The following NDUFA11 variants were observed in gnomAD, a reference collection of about 807,000 sequenced individuals.
The protein encoded by NDUFA11 is NADH dehydrogenase [ubiquinone] 1 alpha subcomplex subunit 11.
Under a neutral mutation model 11.3 loss-of-function variants are expected in NDUFA11, and 14 were observed. The observed-to-expected ratio is 1.24, with a 90% confidence interval of 0.82 to 1.94. The LOEUF (loss-of-function observed/expected upper bound fraction) is 1.94. Ranked by LOEUF, NDUFA11 falls within the 30% of genes most tolerant of loss-of-function variation. The probability of loss-of-function intolerance (pLI) is 0.00; values close to 1 mark genes in which losing one functional copy is unlikely to be tolerated. For missense variants in NDUFA11, 204 were observed against 200.3 expected, an observed-to-expected ratio of 1.02 and a Z score of -0.11; for synonymous variants, 87 against 85.6, an observed-to-expected ratio of 1.02 and a Z score of -0.09.
At chr19:5,901,600 TAC>T (rs1343834597) in intron 1 of NDUFA11, 7 of 447,154 alleles carry the variant, frequency 1.6e-5, no homozygotes, top group Non-Finnish European at 2.7e-5. Context: ...ATGCTGGAAA[TAC>T]AGAGTTGACC....
chr19:5,894,681 CA>C lies in NDUFA11; in HGVS notation c.*60del, dbSNP rs779588327. The C allele has an allele frequency of 2.5e-6, 4 of 1,581,766 alleles. No individual in the cohort carries two copies. The highest frequency in any genetic ancestry group is 3.4e-6 in the Non-Finnish European group (4 of 1,164,626). ...AGCCCTCCGGACACTGACACACACA[CA>C]GACACAGAATTTATTTCTGGACGCA... On this transcript the variant is annotated 3_prime_UTR_variant, in exon 4 of 4. Transcript: ENST00000308961.
At chr19:5,898,653 C>G (rs183766322) in intron 1 of NDUFA11, among the ~76,000 whole-genome samples, 54 of 152,194 alleles carry the variant, frequency 3.5e-4, no homozygotes, top group African/African-American at 1.3e-3. Flanking sequence ...GTGGGCGGAT[C>G]ATTTGAGGTT....
At chr19:5,902,077 G>A (rs567249040) in intron 1 of NDUFA11, among the ~76,000 whole-genome samples, 5 of 151,834 alleles carry the variant, frequency 3.3e-5, no homozygotes, top group Non-Finnish European at 5.9e-5. Context: ...CTGGATTCAC[G>A]CCATTCTCCT....
intron 1 of NDUFA11, among the ~76,000 whole-genome samples, chr19:5,902,902 T>C (rs1284774990): frequency 6.6e-6 from 1 of 151,262 alleles, no homozygotes; most frequent in Admixed American, 6.6e-5. Flanking sequence ...TCCCAGCTAC[T>C]TGGGAGGCTG....
chr19:5,901,461 G>A, intron 1 of NDUFA11: 5 of 1,286,078 alleles, frequency 3.9e-6, no homozygotes, highest in Non-Finnish European at 5.1e-6. Context: ...CTACCTGTAA[G>A]AAATGGAGAC....
chr19:5,900,446 G>A (rs1002425704), intron 1 of NDUFA11, among the ~76,000 whole-genome samples: 3 of 152,148 alleles, frequency 2.0e-5, no homozygotes, highest in Non-Finnish European at 2.9e-5. Context: ...GCTCTGCTGA[G>A]TATAGTCTCC....
At chr19:5,892,529 T>C (rs1568428840), downstream of NDUFA11, 1 of 173,086 alleles carries the variant, frequency 5.8e-6, no homozygotes, top group Admixed American at 5.9e-5. Context: ...GTATTGCCCA[T>C]TCCTAGAAGC....
downstream of NDUFA11, chr19:5,894,623 C>G (rs2057595852): frequency 6.5e-7 from 1 of 1,537,852 alleles, no homozygotes; most frequent in Non-Finnish European, 8.7e-7. Flanking sequence ...CCTCCCAGAT[C>G]CGCCCTCACC....
Position 5,896,954 on chromosome 19 carries a change from GC to G in NDUFA11, c.140del (p.Gly47AlafsTer42). The G allele has an allele frequency of 1.2e-6, 2 of 1,614,140 alleles. No individual in the cohort carries two copies. Among genetic ancestry groups the G allele is most frequent in the Non-Finnish European group, 1.7e-6 (2 of 1,180,030 alleles). ...AAYRVTLNPP[G>X]TFLEGVAKVG... is the part of the protein sequence containing the mutation. ...CCTTAGCCACTCCTTCAAGGAAGGT[GC>G]CCGGAGGATTGAGTGTGACTCTGTA... On this transcript the variant is annotated frameshift_variant, in exon 2 of 4. Transcript: ENST00000308961. LOFTEE classifies it high-confidence loss of function. The surrounding 1 kb of genome is among the most constrained non-coding windows in gnomAD (Gnocchi z 5.8).
chr19:5,894,831 C>T lies in NDUFA11; in HGVS notation c.337G>A (p.Ala113Thr), dbSNP rs757263590. 8.1e-6 allele frequency: 13 copies of T among 1,611,114 alleles called. No homozygotes were observed. The highest frequency in any genetic ancestry group is 3.3e-5 in the South Asian group (3 of 90,586). The change falls in exon 4 of 4, where the codon GCC becomes ACC. Residue 113 changes from alanine (A) to threonine (T), a missense_variant. Physicochemically the swap from Ala to Thr is moderately conservative, Grantham distance 58 (BLOSUM62 0). Transcript: ENST00000308961. ...ARTHNYGIGA[A>T]ACVYFGIAAS... is the part of the protein sequence containing the mutation. Reference sequence around the variant, plus strand: ...GCTATGCCAAAGTACACGCAGGCGGCGGCGCCAATCCCGTAGTTGTGCGCT... The same window carrying T: ...GCTATGCCAAAGTACACGCAGGCGGTGGCGCCAATCCCGTAGTTGTGCGCT...
In NDUFA11 at chr19:5,896,440, G is replaced by C. The variant is rs1034740437; in HGVS notation, c.313+13C>G. The C allele has an allele frequency of 1.3e-6, 2 of 1,560,202 alleles. No individual in the cohort carries two copies. The highest frequency in any genetic ancestry group is 8.7e-7 in the Non-Finnish European group (1 of 1,151,620). On this transcript the variant is annotated intron_variant, in intron 3 of 3. Coordinates refer to ENST00000308961, the MANE Select transcript of NDUFA11 (RefSeq NM_175614.5). The surrounding 1 kb of genome is among the most constrained non-coding windows in gnomAD (Gnocchi z 5.8). ...GCTGGGAGGAGGGTGGGGGTGGGGA[G>C]GGGGCCACTCACTGCGTGCTCCCAG... is the stretch of plus-strand genomic sequence containing the variant.
At chr19:5,895,550 C>T (rs72989073) in intron 3 of NDUFA11, 16,528 of 152,870 alleles carry the variant, frequency 0.11, 1,290 homozygotes, top group Middle Eastern at 0.19. Context: ...GCCCTGCCCT[C>T]GCACCCTCCC....
downstream of NDUFA11, chr19:5,893,125 C>T (rs1192977187): frequency 2.0e-6 from 3 of 1,535,976 alleles, no homozygotes; most frequent in East Asian, 2.4e-5. This position sits in a 1 kb window ranked among gnomAD's most constrained non-coding sequence, Gnocchi z 4.1. Context: ...GACATCTGTG[C>T]TCTCTCCAGA....
chr19:5,898,648 C>G (rs570486209), intron 1 of NDUFA11, among the ~76,000 whole-genome samples: 1 of 151,968 alleles, frequency 6.6e-6, no homozygotes, highest in Non-Finnish European at 1.5e-5. Context: ...CCAAGGTGGG[C>G]GGATCATTTG....
At chr19:5,891,973 T>A (rs937672292), downstream of NDUFA11, 1 of 152,164 alleles carries the variant, frequency 6.6e-6, no homozygotes, top group Non-Finnish European at 1.5e-5. Flanking sequence ...GGCCCTCTTG[T>A]GTGTGGGGTG....
Position 5,894,678 on chromosome 19 carries a change from A to G in NDUFA11, c.*64T>C. The G allele has an allele frequency of 6.3e-7, 1 of 1,577,768 alleles. No individual in the cohort carries two copies. Among genetic ancestry groups the G allele is most frequent in the Non-Finnish European group, 8.6e-7 (1 of 1,162,502 alleles). On this transcript the variant is annotated 3_prime_UTR_variant, in exon 4 of 4. Coordinates refer to ENST00000308961, the MANE Select transcript of NDUFA11 (RefSeq NM_175614.5). ...TCAAGCCCTCCGGACACTGACACAC[A>G]CACAGACACAGAATTTATTTCTGGA...
At position 5,894,686 on chromosome 19, in the gene NDUFA11, A is replaced by T. The variant is rs765727153; in HGVS notation, c.*56T>A. The T allele has an allele frequency of 6.3e-7, 1 of 1,588,668 alleles. No homozygotes were observed. On this transcript the variant is annotated 3_prime_UTR_variant, in exon 4 of 4. Coordinates refer to ENST00000308961, the MANE Select transcript of NDUFA11 (RefSeq NM_175614.5). ...TCCGGACACTGACACACACACAGAC[A>T]CAGAATTTATTTCTGGACGCATTCT...
At chr19:5,898,606 G>C (rs2057624924) in intron 1 of NDUFA11, among the ~76,000 whole-genome samples, 1 of 152,176 alleles carries the variant, frequency 6.6e-6, no homozygotes, top group Admixed American at 6.5e-5. Flanking sequence ...AGGCGCAGTG[G>C]CTCACGCCTG....
intron 1 of NDUFA11, among the ~76,000 whole-genome samples, chr19:5,901,788 G>A (rs929211198): frequency 6.6e-6 from 1 of 151,068 alleles, no homozygotes; most frequent in African/African-American, 2.4e-5. Context: ...TCCTTCCTCA[G>A]CCTCCTGAGT....
Sources: gnomAD v4.1 joint callset for allele counts (sites outside exome capture counted in the v4.1 genomes callset) on GRCh38, gnomAD v4.1.1 for gene constraint, Gnocchi (gnomAD v3.1) non-coding constraint, MANE v1.5 for transcripts, NCBI Gene and HGNC (gene_info 2026-07-23, HGNC 2026-07-21) for gene names.